Variants in GPRC5A observed in about 807,000 individuals in gnomAD.
GPRC5A encodes retinoic acid-induced protein 3.
In GPRC5A, 19 loss-of-function variants were observed where a neutral mutation model predicts 22.5. That is an observed-to-expected ratio of 0.85 (90% CI 0.59 to 1.24). The LOEUF is 1.24. GPRC5A is among the 50% of genes most tolerant of loss of function. The pLI is 0.00. For synonymous variants in GPRC5A, 192 were observed against 184.5 expected (o/e 1.04, Z -0.33); for missense variants, 471 against 451.1 (o/e 1.04, Z -0.40).
Position 12,903,744 on chromosome 12 carries a change from A to C in GPRC5A, c.-7-4499A>C, listed in dbSNP as rs141009613. Among the ~76,000 whole-genome samples the C allele has an allele frequency of 1.3e-3, 194 of 152,220 alleles. 1 individual carries two copies. Among genetic ancestry groups the C allele is most frequent in the African/African-American group, 4.4e-3 (183 of 41,526 alleles). On this transcript the variant is annotated intron_variant, in intron 1 of 3. Transcript: ENST00000014914. Reference sequence around the variant, plus strand: ...TTGGATCCTGGTCTGTGGGTTCTATAAGGCCCTGAGACTCAGCACCCTCCT... The same window carrying C: ...TTGGATCCTGGTCTGTGGGTTCTATCAGGCCCTGAGACTCAGCACCCTCCT...
rs1182334340 is a variant in GPRC5A at position 12,908,429 on chromosome 12, C to T, written c.180C>T (p.Asn60=). ...TCGTCTGCAAGGTGCAGGACTCCAA[C>T]AGGCGAAAAATGCTGCCTACTCAGT... The part of the protein sequence containing the change: ...PILVCKVQDS[N]RRKMLPTQFL... Residue 60 remains asparagine (N), a synonymous_variant, in exon 2 of 4, where the codon AAC becomes AAT. Transcript: ENST00000014914. 1 of 1,614,012 alleles carries T rather than the reference C, an allele frequency of 6.2e-7. No individual in the cohort carries two copies. The highest frequency in any genetic ancestry group is 1.7e-5 in the Admixed American group (1 of 59,996).
intron 1 of GPRC5A, among the ~76,000 whole-genome samples, chr12:12,903,517 G>T (rs1863910764): frequency 1.3e-5 from 2 of 152,132 alleles, no homozygotes; most frequent in Admixed American, 6.5e-5. Context: ...GAATTCCTGG[G>T]CTCAAACGAT....
At chr12:12,893,084 T>A (rs12296954) in intron 1 of GPRC5A, among the ~76,000 whole-genome samples, 69,290 of 152,018 alleles carry the variant, frequency 0.46, 18,319 homozygotes, top group Non-Finnish European at 0.59. Context: ...AACCCTTTGG[T>A]TTCCCGGGAA....
chr12:12,906,352 A>G (rs775741166), intron 1 of GPRC5A, among the ~76,000 whole-genome samples: 2 of 152,002 alleles, frequency 1.3e-5, no homozygotes, highest in South Asian at 4.1e-4. Flanking sequence ...AAGAGGATTA[A>G]TTGAGCCCAG....
At position 12,893,906 on chromosome 12, in the gene GPRC5A, C is replaced by T. The variant is rs762819280; in HGVS notation, c.-8+2242C>T. On this transcript the variant is annotated intron_variant, in intron 1 of 3. Coordinates refer to ENST00000014914, the MANE Select transcript of GPRC5A (RefSeq NM_003979.4). Reference sequence around the variant, plus strand: ...GCTCCCAAGTAGCTGGGATTACAGGCGCCCGCTACCACGCCTGGGTAATTT... The same window carrying T: ...GCTCCCAAGTAGCTGGGATTACAGGTGCCCGCTACCACGCCTGGGTAATTT... 1.1e-4 allele frequency among the ~76,000 whole-genome samples: 17 copies of T among 152,226 alleles called. 1 individual carries two copies. The highest frequency in any genetic ancestry group is 2.9e-4 in the African/African-American group (12 of 41,516).
intron 1 of GPRC5A, among the ~76,000 whole-genome samples, chr12:12,900,171 T>C (rs1046116209): frequency 6.6e-6 from 1 of 152,250 alleles, no homozygotes; most frequent in African/African-American, 2.4e-5. Context: ...AGTCCCTTGC[T>C]GTGTCTCTTC....
At position 12,908,939 on chromosome 12, in the gene GPRC5A, G is replaced by C; in HGVS notation, c.690G>C (p.Leu230=). Residue 230 remains leucine (L), a synonymous_variant, in exon 2 of 4, where the codon CTG becomes CTC. Coordinates refer to ENST00000014914, the MANE Select transcript of GPRC5A (RefSeq NM_003979.4). The part of the protein sequence containing the change: ...SIAIWVAWIT[L]LMLPDFDRRW... ...CCATCTGGGTGGCCTGGATCACCCT[G>C]CTCATGCTTCCTGACTTTGACCGCA... is the stretch of plus-strand genomic sequence containing the variant. 1 of 1,614,102 alleles carries C rather than the reference G, an allele frequency of 6.2e-7. No individual in the cohort carries two copies. The highest frequency in any genetic ancestry group is 1.1e-5 in the South Asian group (1 of 91,076).
At chr12:12,904,889 T>TG (rs1212706645) in intron 1 of GPRC5A, among the ~76,000 whole-genome samples, 1 of 147,546 alleles carries the variant, frequency 6.8e-6, no homozygotes, top group Non-Finnish European at 1.5e-5. Context: ...TTGTGGTTTT[T>TG]TTTTTTTTTT....
At chr12:12,894,023 A>G (rs978856333) in intron 1 of GPRC5A, among the ~76,000 whole-genome samples, 72 of 152,172 alleles carry the variant, frequency 4.7e-4, no homozygotes, top group African/African-American at 1.6e-3. Flanking sequence ...CGGCCTCCCA[A>G]AGTGCTGGGA....
chr12:12,892,397 C>T (rs1339300089), intron 1 of GPRC5A, among the ~76,000 whole-genome samples: 1 of 151,992 alleles, frequency 6.6e-6, no homozygotes, highest in East Asian at 1.9e-4. Flanking sequence ...GATGGAGTTT[C>T]ACTCTTGTTG....
Position 12,912,461 on chromosome 12 carries a change from A to G in GPRC5A, c.996A>G (p.Gln332=), listed in dbSNP as rs1448924027. 3.7e-6 allele frequency: 6 copies of G among 1,611,338 alleles called. No homozygotes were observed. The highest frequency in any genetic ancestry group is 2.2e-5 in the South Asian group (2 of 91,024). ...THFQLQNQPP[Q]KEFSIPRAHA... ...TTCCTTTTCAGAACCAGCCTCCCCA[A>G]AAGGAATTCTCCATCCCACGGGCCC... is the stretch of plus-strand genomic sequence containing the variant. Residue 332 remains glutamine, a synonymous_variant, in exon 4 of 4, where the codon CAA becomes CAG. Coordinates refer to ENST00000014914, the MANE Select transcript of GPRC5A (RefSeq NM_003979.4).
Position 12,912,735 on chromosome 12 carries a change from G to A in GPRC5A, c.*196G>A, listed in dbSNP as rs1239849958. On this transcript the variant is annotated 3_prime_UTR_variant, in exon 4 of 4. Transcript: ENST00000014914. ...GCTAGTAAGACTCCAGTTCTTAGAG[G>A]CGCTGTAGTATTTTTTTTTTTTTGT... The A allele has an allele frequency of 3.9e-6, 2 of 511,364 alleles. No individual in the cohort carries two copies. Among genetic ancestry groups the A allele is most frequent in the Admixed American group, 3.5e-5 (1 of 28,742 alleles). The allele number at this position is 511,364 out of a possible 1,614,324, so 31.7% of individuals were successfully genotyped here. A position where few individuals can be genotyped will look rare whatever the true frequency, so the allele number is the denominator to read the frequency against.
chr12:12,909,264 T>C, intron 2 of GPRC5A, 93 bp downstream of exon 2: 1 of 908,512 alleles, frequency 1.1e-6, no homozygotes, highest in South Asian at 1.7e-5. Context: ...TGCAAGATTT[T>C]CCAGATTATA....
chr12:12,905,341 T>G (rs1316810827), intron 1 of GPRC5A, among the ~76,000 whole-genome samples: 1 of 152,200 alleles, frequency 6.6e-6, no homozygotes, highest in Admixed American at 6.5e-5. Context: ...GGAGGTGACC[T>G]CTGCGAGCCT....
In GPRC5A at chr12:12,917,456, G is replaced by A. The variant is rs1592354850; in HGVS notation, c.*4917G>A. On this transcript the variant is annotated 3_prime_UTR_variant, in exon 4 of 4. Transcript: ENST00000014914. ...TAATGCAACTAGATCAGGGTTTTGG[G>A]TCTGTGTTCTTTCTACCGTCAGCAC... is the stretch of plus-strand genomic sequence containing the variant. The A allele has an allele frequency of 6.6e-6, 1 of 152,044 alleles. No homozygotes were observed. The allele number at this position is 152,044 out of a possible 1,614,324, so 9.4% of individuals were successfully genotyped here. A position where few individuals can be genotyped will look rare whatever the true frequency, so the allele number is the denominator to read the frequency against.
intron 2 of GPRC5A, among the ~76,000 whole-genome samples, chr12:12,910,324 C>T (rs994728552): frequency 9.9e-5 from 15 of 152,154 alleles, no homozygotes; most frequent in Non-Finnish European, 1.9e-4. Flanking sequence ...TATTTAACCA[C>T]CCAGCCCCTC....
rs59721062 is a variant in GPRC5A, at chr12:12,914,594, T to TTCTTTCTTTCTGTCTTTCTCTC, written c.*2058_*2059insTTCTTTCTGTCTTTCTCTCTCT. On this transcript the variant is annotated 3_prime_UTR_variant, in exon 4 of 4. Transcript: ENST00000014914. ...TTTCTTTCTTTCTTTCTTTCTTTCT[T>TTCTTTCTTTCTGTCTTTCTCTC]TCTCTCTCTCTCTCTCTCTCTCTTT... is the stretch of plus-strand genomic sequence containing the variant. 1.2e-5 allele frequency: 1 copy of TTCTTTCTTTCTGTCTTTCTCTC among 81,544 alleles called. No homozygotes were observed. Among genetic ancestry groups the TTCTTTCTTTCTGTCTTTCTCTC allele is most frequent in the African/African-American group, 6.4e-5 (1 of 15,530 alleles). 5.1% of individuals were successfully genotyped at this position (81,544 alleles called of 1,614,324 possible). A position where few individuals can be genotyped will look rare whatever the true frequency, so the allele number is the denominator to read the frequency against.
rs1237611651 is a variant in GPRC5A, at chr12:12,916,444, T to C, written c.*3905T>C. The C allele has an allele frequency of 2.0e-5, 3 of 152,234 alleles. No homozygotes were observed. The highest frequency in any genetic ancestry group is 4.8e-5 in the African/African-American group (2 of 41,460). 9.4% of individuals were successfully genotyped at this position (152,234 alleles called of 1,614,324 possible). A position where few individuals can be genotyped will look rare whatever the true frequency, so the allele number is the denominator to read the frequency against. On this transcript the variant is annotated 3_prime_UTR_variant, in exon 4 of 4. Transcript: ENST00000014914. The stretch of plus-strand genomic sequence containing the variant: ...ACTTCAGGCATCAACCCTCATGGCC[T>C]CTCAGCCTTGCAAAGGCAGCCACTT...
At chr12:12,893,918 C>A (rs1403741347) in intron 1 of GPRC5A, among the ~76,000 whole-genome samples, 1 of 152,078 alleles carries the variant, frequency 6.6e-6, no homozygotes, top group Non-Finnish European at 1.5e-5. Context: ...CCCGCTACCA[C>A]GCCTGGGTAA....
Sources: allele counts gnomAD v4.1 joint callset (sites outside exome capture counted in the v4.1 genomes callset), GRCh38; gene constraint gnomAD v4.1.1; transcripts MANE v1.5; gene names NCBI Gene and HGNC (gene_info 2026-07-23, HGNC 2026-07-21).